Variants in FOXP1 observed in about 807,000 individuals in gnomAD.
FOXP1 encodes forkhead box protein P1.
Under a neutral mutation model 98.2 loss-of-function variants are expected in FOXP1, and 15 were observed. The ratio of observed to expected loss-of-function variants is 0.15; its 90% CI spans 0.10 to 0.24. FOXP1 has a LOEUF of 0.24. FOXP1 is among the 10% of genes least tolerant of loss of function. The pLI is 1.00. For synonymous variants in FOXP1, 371 were observed against 314.5 expected, an observed-to-expected ratio of 1.18 and a Z score of -1.90; for missense variants, 633 against 848.5, an observed-to-expected ratio of 0.75 and a Z score of 3.15.
At chr3:71,123,150 A>T (rs545498753) in intron 6 of FOXP1, among the ~76,000 whole-genome samples, 2 of 152,056 alleles carry the variant, frequency 1.3e-5, no homozygotes, top group Non-Finnish European at 2.9e-5. Flanking sequence ...TCTTTCATCT[A>T]AATTCAACCT....
intron 20 of FOXP1, among the ~76,000 whole-genome samples, chr3:70,960,943 G>T (rs1414382827): frequency 6.7e-6 from 1 of 149,568 alleles, no homozygotes; most frequent in South Asian, 2.1e-4. Context: ...CCGGGTTCAC[G>T]CCATTCTCCT....
chr3:71,378,630 T>C (rs537713464), intron 3 of FOXP1, among the ~76,000 whole-genome samples: 2 of 152,282 alleles, frequency 1.3e-5, no homozygotes, highest in East Asian at 3.9e-4. Flanking sequence ...TTTTACCTAA[T>C]AATGGCCTCA....
intron 5 of FOXP1, among the ~76,000 whole-genome samples, chr3:71,208,115 A>G (rs779814020): frequency 2.0e-5 from 3 of 152,248 alleles, no homozygotes; most frequent in Admixed American, 6.5e-5. Context: ...AAACTTGACA[A>G]AGAGTACATG....
At chr3:71,059,686 G>A (rs2051202435) in intron 7 of FOXP1, among the ~76,000 whole-genome samples, 1 of 152,084 alleles carries the variant, frequency 6.6e-6, no homozygotes, top group Non-Finnish European at 1.5e-5. Context: ...TAGGGCATGT[G>A]AATTAAACAT....
rs1375851298 is a variant in FOXP1, at chr3:70,975,444, G to A, written c.1530+1497C>T. Among the ~76,000 whole-genome samples the A allele has an allele frequency of 2.6e-5, 4 of 152,170 alleles. No homozygotes were observed. The East Asian group carries it at 7.7e-4, about 29-fold the overall frequency. On this transcript the variant is annotated intron_variant, in intron 17 of 20. Coordinates refer to ENST00000649528, the MANE Select transcript of FOXP1 (RefSeq NM_001349338.3). ...ATATTCACAGCTCTGTAAAGTTGAT[G>A]AATTAATTCTATGGTTATATTCGTT... is the stretch of plus-strand genomic sequence containing the variant.
chr3:71,460,016 C>T (rs1361756582), intron 3 of FOXP1, among the ~76,000 whole-genome samples: 1 of 151,328 alleles, frequency 6.6e-6, no homozygotes, highest in East Asian at 1.9e-4. Context: ...TCACTGCAAG[C>T]TCTGCCTCCC....
At chr3:71,446,153 A>G (rs1256061944) in intron 3 of FOXP1, among the ~76,000 whole-genome samples, 4 of 152,146 alleles carry the variant, frequency 2.6e-5, no homozygotes, top group African/African-American at 9.7e-5. Flanking sequence ...CTTCTCTGAG[A>G]AGCCTGGGCC....
At chr3:71,489,868 C>T (rs1235598643) in intron 3 of FOXP1, among the ~76,000 whole-genome samples, 1 of 152,182 alleles carries the variant, frequency 6.6e-6, no homozygotes, top group Non-Finnish European at 1.5e-5. Flanking sequence ...TTCATGGTTT[C>T]GTTTCCTTGT....
chr3:71,244,370 C>T (rs2067538762), intron 5 of FOXP1, among the ~76,000 whole-genome samples: 1 of 152,064 alleles, frequency 6.6e-6, no homozygotes, highest in Non-Finnish European at 1.5e-5. Flanking sequence ...GGAAGACATC[C>T]CTCCCAAAAT....
intron 7 of FOXP1, among the ~76,000 whole-genome samples, chr3:71,104,436 A>C (rs1387385307): frequency 6.6e-6 from 1 of 152,156 alleles, no homozygotes; most frequent in Non-Finnish European, 1.5e-5. Flanking sequence ...TTTTTCGTTA[A>C]GAAGAATCAC....
chr3:71,008,792 T>G (rs2043131056), intron 12 of FOXP1, among the ~76,000 whole-genome samples: 2 of 152,022 alleles, frequency 1.3e-5, no homozygotes, highest in South Asian at 4.2e-4. Context: ...TGCTGCAGAA[T>G]GATCACAGAA....
chr3:71,170,716 A>T (rs1486468951), intron 6 of FOXP1, among the ~76,000 whole-genome samples: 1 of 152,190 alleles, frequency 6.6e-6, no homozygotes, highest in African/African-American at 2.4e-5. Context: ...ATTTGTGTTA[A>T]TATTTGTTTC....
At chr3:71,296,088 T>C (rs756066953) in intron 5 of FOXP1, 9 of 152,230 alleles carry the variant, frequency 5.9e-5, no homozygotes, top group South Asian at 2.1e-4. Flanking sequence ...CTTCAGACCA[T>C]AGAATCCAAA....
chr3:71,028,396 C>T (rs2046416277), intron 11 of FOXP1, among the ~76,000 whole-genome samples: 1 of 152,150 alleles, frequency 6.6e-6, no homozygotes, highest in South Asian at 2.1e-4. Flanking sequence ...GTGGGGGCCC[C>T]ACCCCAATTT....
In FOXP1 at chr3:70,998,862, G is replaced by A. The variant is rs563138109; in HGVS notation, c.1062+2110C>T. ...CTCCTGACCTCTTTTTGTGGAGAGCGAAGAATAATTCATAAAATAAATGCT... is the reference window on the plus strand; with the variant it reads ...CTCCTGACCTCTTTTTGTGGAGAGCAAAGAATAATTCATAAAATAAATGCT... On this transcript the variant is annotated intron_variant, in intron 13 of 20. Coordinates refer to ENST00000649528, the MANE Select transcript of FOXP1 (RefSeq NM_001349338.3). Among the ~76,000 whole-genome samples the A allele has an allele frequency of 7.2e-4, 109 of 152,270 alleles. 1 individual carries two copies. Among genetic ancestry groups the A allele is most frequent in the African/African-American group, 2.4e-3 (99 of 41,540 alleles).
At chr3:71,182,219 C>A (rs1272075215) in intron 6 of FOXP1, among the ~76,000 whole-genome samples, 1 of 152,006 alleles carries the variant, frequency 6.6e-6, no homozygotes, top group African/African-American at 2.4e-5. Flanking sequence ...GGAGAGATAA[C>A]ACCAGGGAGC....
intron 8 of FOXP1, 119 bp downstream of exon 8, chr3:71,053,516 CG>C: frequency 8.1e-7 from 1 of 1,241,074 alleles, no homozygotes; most frequent in Non-Finnish European, 1.2e-6. Context: ...GCCCCACCCA[CG>C]CTGCTTTACT....
rs924417578 is a variant in FOXP1, at chr3:71,053,149, C to T, written c.420+487G>A. ...CATAGTGCAATGACAACCAGAAGTT[C>T]ATTTCAGCAACATCGTATGTGGAAG... On this transcript the variant is annotated intron_variant, in intron 8 of 20. Coordinates refer to ENST00000649528, the MANE Select transcript of FOXP1 (RefSeq NM_001349338.3). Among the ~76,000 whole-genome samples the T allele has an allele frequency of 3.3e-5, 5 of 152,240 alleles. No homozygotes were observed. In the South Asian group the frequency reaches 8.3e-4, roughly 25 times the overall value.
intron 19 of FOXP1, 94 bp downstream of exon 19, chr3:70,970,642 T>G: frequency 9.3e-7 from 1 of 1,070,702 alleles, no homozygotes; most frequent in Non-Finnish European, 1.5e-6. Context: ...GGAATTAAAA[T>G]TTAATATCTA....
Sources: gnomAD v4.1 joint callset for allele counts (sites outside exome capture counted in the v4.1 genomes callset) on GRCh38, gnomAD v4.1.1 for gene constraint, MANE v1.5 for transcripts, NCBI Gene and HGNC (gene_info 2026-07-23, HGNC 2026-07-21) for gene names.